Variants in ARHGEF4 observed in about 807,000 individuals in gnomAD.
The protein encoded by ARHGEF4 is APC-stimulated guanine nucleotide exchange factor 1.
In ARHGEF4, 119 loss-of-function variants were observed where a neutral mutation model predicts 162.0. The ratio of observed to expected loss-of-function variants is 0.73; its 90% confidence interval spans 0.63 to 0.86. The LOEUF is 0.86. Among genes scored for constraint, ARHGEF4 ranks in the 40% least tolerant of loss-of-function variants. The pLI is 0.00. For synonymous variants in ARHGEF4, 1,014 were observed against 979.9 expected, an observed-to-expected ratio of 1.03 and a Z score of -0.65; for missense variants, 2,488 against 2,456.0, an observed-to-expected ratio of 1.01 and a Z score of -0.28.
chr2:130,913,279 A>T lies in ARHGEF4; in HGVS notation c.40-707A>T, dbSNP rs141111156. The stretch of plus-strand genomic sequence containing the variant: ...AATGGAAACAGTCTAGATTTTTATC[A>T]TGGTGGTAGTTACAGGAATGTACTC... On this transcript the variant is annotated intron_variant, in intron 1 of 13. Transcript: ENST00000409359. 4.8e-3 allele frequency among the ~76,000 whole-genome samples: 730 copies of T among 152,318 alleles called. 9 individuals are homozygous for T. Among genetic ancestry groups the T allele is most frequent in the African/African-American group, 0.016 (684 of 41,560 alleles).
At chr2:130,964,013 C>T (rs1432776542) in intron 4 of ARHGEF4, 1 of 284,966 alleles carries the variant, frequency 3.5e-6, no homozygotes, top group Non-Finnish European at 5.3e-6. Flanking sequence ...CAGCCTTCCC[C>T]GAGCCTGTGG....
chr2:130,987,996 C>A (rs1287182588), intron 4 of ARHGEF4, among the ~76,000 whole-genome samples: 1 of 152,158 alleles, frequency 6.6e-6, no homozygotes, highest in Non-Finnish European at 1.5e-5. Context: ...CTGCGGCAGA[C>A]TTCTCATCCG....
chr2:130,844,655 ATAGAGCTCTGTG>A (rs1558995871), intron 1 of ARHGEF4, among the ~76,000 whole-genome samples: 17 of 151,984 alleles, frequency 1.1e-4, no homozygotes, highest in Non-Finnish European at 2.5e-4. Flanking sequence ...CCACTCTCCC[ATAGAGCTCTGTG>A]CCCTGGGGCA....
At position 130,886,778 on chromosome 2, in the gene ARHGEF4, A is replaced by G. The variant is rs181190372; in HGVS notation, c.40-27208A>G. Among the ~76,000 whole-genome samples, 98 of 151,892 alleles carry G rather than the reference A, an allele frequency of 6.5e-4. 3 individuals are homozygous for G. Among genetic ancestry groups the G allele is most frequent in the African/African-American group, 2.2e-3 (93 of 41,346 alleles). On this transcript the variant is annotated intron_variant, in intron 1 of 13. Transcript: ENST00000409359. ...GGGAAAAAAAATTAGTAATAATTCA[A>G]TTCCTTTAATGGTTGTTGAAGTAGT...
intron 1 of ARHGEF4, among the ~76,000 whole-genome samples, chr2:130,841,518 C>T (rs1172597378): frequency 6.6e-6 from 1 of 152,066 alleles, no homozygotes; most frequent in East Asian, 1.9e-4. Flanking sequence ...CTTGGTGCCC[C>T]TCTGGCTGCC....
chr2:130,897,840 G>A (rs1362818574), intron 1 of ARHGEF4, among the ~76,000 whole-genome samples: 2 of 149,022 alleles, frequency 1.3e-5, no homozygotes, highest in Non-Finnish European at 2.9e-5. Context: ...ATTCAGCACT[G>A]GGGGTGAGGG....
At chr2:130,841,306 C>T (rs973634447) in intron 1 of ARHGEF4, among the ~76,000 whole-genome samples, 11 of 151,380 alleles carry the variant, frequency 7.3e-5, no homozygotes, top group African/African-American at 2.7e-4. Flanking sequence ...CCTCGTGATT[C>T]GTCCGCCTTA....
chr2:130,919,025 G>A (rs547544192), intron 2 of ARHGEF4, among the ~76,000 whole-genome samples: 5 of 152,290 alleles, frequency 3.3e-5, no homozygotes, highest in South Asian at 2.1e-4. Context: ...GGCAGTTTGG[G>A]GAGAGGGAAT....
chr2:131,029,813 C>G (rs1301574523), intron 5 of ARHGEF4, among the ~76,000 whole-genome samples: 2 of 152,228 alleles, frequency 1.3e-5, no homozygotes, highest in Non-Finnish European at 2.9e-5. Flanking sequence ...CTCAGCCTCC[C>G]AAAGTGCTGG....
At chr2:130,909,677 A>G (rs1681052655) in intron 1 of ARHGEF4, among the ~76,000 whole-genome samples, 1 of 152,034 alleles carries the variant, frequency 6.6e-6, no homozygotes, top group Non-Finnish European at 1.5e-5. Flanking sequence ...AGTAAATAGC[A>G]GTAATACAAA....
At chr2:130,878,006 T>C (rs1678962733) in intron 1 of ARHGEF4, among the ~76,000 whole-genome samples, 1 of 152,104 alleles carries the variant, frequency 6.6e-6, no homozygotes, top group Admixed American at 6.6e-5. Flanking sequence ...CTTGGTACTA[T>C]GGAAACGTTA....
intron 12 of ARHGEF4, among the ~76,000 whole-genome samples, 159 bp downstream of exon 12, chr2:131,044,701 C>T (rs974206969): frequency 4.6e-5 from 7 of 152,266 alleles, no homozygotes; most frequent in Non-Finnish European, 1.0e-4. Context: ...GAGCATAAGG[C>T]TTTGCCTTCA....
At chr2:130,886,840 T>A (rs1486872844) in intron 1 of ARHGEF4, among the ~76,000 whole-genome samples, 1 of 140,788 alleles carries the variant, frequency 7.1e-6, no homozygotes, top group South Asian at 2.1e-4. Context: ...CTTTTGGTAA[T>A]TTTTTTTTTT....
chr2:130,936,852 T>A (rs895465128), intron 3 of ARHGEF4, among the ~76,000 whole-genome samples: 13 of 152,036 alleles, frequency 8.6e-5, no homozygotes, highest in African/African-American at 3.1e-4. Flanking sequence ...AATTATTTCT[T>A]CAGAAGTCTT....
chr2:130,926,052 T>TTCTTTC (rs1559043887), intron 2 of ARHGEF4, among the ~76,000 whole-genome samples: 1,414 of 98,068 alleles, frequency 0.014, 9 homozygotes, highest in African/African-American at 0.025. Context: ...TTCTTTCTCT[T>TTCTTTC]TCTTTCTTTC....
intron 1 of ARHGEF4, among the ~76,000 whole-genome samples, chr2:130,887,424 G>A (rs1679589413): frequency 6.6e-6 from 1 of 152,022 alleles, no homozygotes; most frequent in South Asian, 2.1e-4. Context: ...ATTAAGCCTA[G>A]TTTTGTTAAA....
chr2:131,038,108 C>G (rs927559481), intron 5 of ARHGEF4, among the ~76,000 whole-genome samples: 4 of 152,158 alleles, frequency 2.6e-5, no homozygotes, highest in Non-Finnish European at 5.9e-5. Flanking sequence ...TAAACAAGCT[C>G]CAATCACTCC....
chr2:130,844,487 C>T (rs570096845), intron 1 of ARHGEF4, among the ~76,000 whole-genome samples: 25 of 152,336 alleles, frequency 1.6e-4, no homozygotes, highest in Non-Finnish European at 2.4e-4. Flanking sequence ...GTATCAGCCA[C>T]GTTTGTACCA....
chr2:130,999,989 G>A (rs1340493641), intron 4 of ARHGEF4, among the ~76,000 whole-genome samples: 1 of 152,218 alleles, frequency 6.6e-6, no homozygotes, highest in African/African-American at 2.4e-5. Flanking sequence ...GATTACAGGC[G>A]TAAGCCACCA....
Sources: gnomAD v4.1 joint callset for allele counts (sites outside exome capture counted in the v4.1 genomes callset) on GRCh38, gnomAD v4.1.1 for gene constraint, MANE v1.5 for transcripts, NCBI Gene and HGNC (gene_info 2026-07-23, HGNC 2026-07-21) for gene names.